Variants in RP1L1 observed in about 807,000 individuals in gnomAD.
RP1L1 encodes the protein retinitis pigmentosa 1-like 1 protein.
A neutral mutation model predicts 15.7 loss-of-function variants in RP1L1; 27 were observed. The ratio of observed to expected loss-of-function variants is 1.72; its 90% CI spans 1.27 to 2.38. RP1L1 has a LOEUF of 2.38. Among genes scored for constraint, RP1L1 ranks in the 30% most tolerant of loss-of-function variants. The probability of loss-of-function intolerance (pLI) is 0.00; values close to 1 mark genes in which losing one functional copy is unlikely to be tolerated. For synonymous variants in RP1L1, 1,813 were observed against 1,276.7 expected, an observed-to-expected ratio of 1.42 and a Z score of -8.96; for missense variants, 4,798 against 3,075.9, an observed-to-expected ratio of 1.56 and a Z score of -13.24.
intron 1 of RP1L1, among the ~76,000 whole-genome samples, chr8:10,644,164 G>A (rs1798443799): frequency 6.6e-6 from 1 of 151,970 alleles, no homozygotes; most frequent in South Asian, 2.1e-4. Flanking sequence ...CTCCGTTCGG[G>A]GACAGGGCAA....
rs763913719 is a variant in RP1L1, at chr8:10,609,659, G to A, written c.4439C>T (p.Pro1480Leu). ...TTGGCCCATCATGGTGGCTCCGGGC[G>A]GCTTTTCCAAACCAGGCTCAAGCTG... The part of the protein sequence containing the change: ...GSQLEPGLEK[P>L]PGATMMGQEH... The change falls in exon 4 of 4, where the codon CCG (proline) becomes CTG (leucine). Residue 1480 changes from proline to leucine, a missense_variant. By Grantham distance (98) the Pro-to-Leu change is moderately conservative. Coordinates refer to ENST00000382483, the MANE Select transcript of RP1L1 (RefSeq NM_178857.6). 7.6e-5 allele frequency: 122 copies of A among 1,610,942 alleles called. 1 individual carries two copies. The highest frequency in any genetic ancestry group is 2.7e-4 in the South Asian group (25 of 91,082).
At chr8:10,645,711 C>T (rs1230897011) in intron 1 of RP1L1, among the ~76,000 whole-genome samples, 1 of 152,146 alleles carries the variant, frequency 6.6e-6, no homozygotes, top group Non-Finnish European at 1.5e-5. Flanking sequence ...CCTGGGCCTT[C>T]AGGTCCTCAA....
chr8:10,653,137 A>G (rs908210619), intron 1 of RP1L1, among the ~76,000 whole-genome samples: 1 of 152,198 alleles, frequency 6.6e-6, no homozygotes, highest in Non-Finnish European at 1.5e-5. Context: ...TTTATATGAC[A>G]TACTTATTCA....
chr8:10,638,503 G>A (rs1245782541), intron 1 of RP1L1, among the ~76,000 whole-genome samples: 1 of 152,148 alleles, frequency 6.6e-6, no homozygotes, highest in Non-Finnish European at 1.5e-5. Flanking sequence ...CAGCTACTCT[G>A]GAGGCTGAGG....
chr8:10,647,659 G>A (rs1798499165), intron 1 of RP1L1, among the ~76,000 whole-genome samples: 1 of 152,206 alleles, frequency 6.6e-6, no homozygotes, highest in Non-Finnish European at 1.5e-5. Flanking sequence ...GTTGCAGCAT[G>A]AGTCAGCATT....
Position 10,609,218 on chromosome 8 carries a change from C to T in RP1L1, c.4880G>A (p.Gly1627Glu). Residue 1627 changes from glycine (G) to glutamate (E), a missense_variant, in exon 4 of 4, where the codon GGG (glycine) becomes GAG (glutamate). Coordinates refer to ENST00000382483, the MANE Select transcript of RP1L1 (RefSeq NM_178857.6). ...SAFSERTLGL[G>E]PLSFTLEDEP... Reference sequence around the variant, plus strand: ...GTCCTCCAGGGTGAAGGAGAGGGGCCCCAGGCCCAGGGTCCGCTCAGAGAA... The same window carrying T: ...GTCCTCCAGGGTGAAGGAGAGGGGCTCCAGGCCCAGGGTCCGCTCAGAGAA... 6.2e-7 allele frequency: 1 copy of T among 1,609,950 alleles called. No homozygotes were observed. The highest frequency in any genetic ancestry group is 8.5e-7 in the Non-Finnish European group (1 of 1,179,882).
intron 2 of RP1L1, among the ~76,000 whole-genome samples, chr8:10,618,254 CT>C (rs1488803942): frequency 6.6e-6 from 1 of 152,168 alleles, no homozygotes; most frequent in African/African-American, 2.4e-5. Flanking sequence ...AATCTCAGCA[CT>C]TTGGGGGGCC....
At chr8:10,621,797 C>T (rs200753340) in intron 2 of RP1L1, 287 of 496,762 alleles carry the variant, frequency 5.8e-4, no homozygotes, top group Middle Eastern at 9.6e-4. Flanking sequence ...ATTACATTCA[C>T]GCATGTCCTT....
In RP1L1 at chr8:10,623,143, G is replaced by T; in HGVS notation, c.59C>A (p.Ser20Tyr). 1.2e-6 allele frequency: 2 copies of T among 1,606,464 alleles called. No individual in the cohort carries two copies. The highest frequency in any genetic ancestry group is 1.7e-6 in the Non-Finnish European group (2 of 1,176,128). Residue 20 changes from serine (S) to tyrosine (Y), a missense_variant, in exon 2 of 4, where the codon TCT becomes TAT. Transcript: ENST00000382483. ...APSHRECFLP[S>Y]VARTPSVTKV... ...GGTGACCGAGGGGGTGCGAGCCACA[G>T]AGGGCAGGAAGCACTCACGGTGGCT...
At chr8:10,630,992 G>C (rs914893354) in intron 1 of RP1L1, among the ~76,000 whole-genome samples, 30 of 152,310 alleles carry the variant, frequency 2.0e-4, no homozygotes, top group African/African-American at 7.2e-4. Context: ...GTAGAGTCTT[G>C]CTCGAGTGGA....
chr8:10,615,502 C>T (rs1042205534), intron 3 of RP1L1, among the ~76,000 whole-genome samples: 1 of 152,134 alleles, frequency 6.6e-6, no homozygotes, highest in African/African-American at 2.4e-5. Context: ...GCCAGGCACA[C>T]GGCCCATTGC....
rs922315371 is a variant in RP1L1, at chr8:10,612,757, T to C, written c.1341A>G (p.Arg447=). The C allele has an allele frequency of 4.4e-6, 7 of 1,608,550 alleles. No homozygotes were observed. In the African/African-American group the frequency reaches 6.7e-5, roughly 15 times the overall value. The change falls in exon 4 of 4, where the codon AGA becomes AGG. Residue 447 remains arginine, a synonymous_variant. Coordinates refer to ENST00000382483, the MANE Select transcript of RP1L1 (RefSeq NM_178857.6). ...CTGGGCTGGCACTGTCCTGGCTGCA[T>C]CTCTCCCTCCCGGCAGTCCCGTGGC... ...LWGHGTAGRE[R]CSQDSASPAS... is the part of the protein sequence containing the mutation.
intron 3 of RP1L1, among the ~76,000 whole-genome samples, chr8:10,615,450 C>T (rs1007797990): frequency 2.0e-5 from 3 of 152,190 alleles, no homozygotes; most frequent in Non-Finnish European, 2.9e-5. Flanking sequence ...ATGCAGGCCA[C>T]CACTGTTGCC....
chr8:10,613,364 G>A lies in RP1L1; in HGVS notation c.752-18C>T, dbSNP rs200702916. 3.1e-6 allele frequency: 5 copies of A among 1,599,170 alleles called. No individual in the cohort carries two copies. Among genetic ancestry groups the A allele is most frequent in the Non-Finnish European group, 4.2e-6 (5 of 1,179,882 alleles). Reference sequence around the variant, plus strand: ...CCAGCTCCCTGGCACGCAGTGAAGAGGAAAAGAAAAGAAGAAAAGACTGTG... The same window carrying A: ...CCAGCTCCCTGGCACGCAGTGAAGAAGAAAAGAAAAGAAGAAAAGACTGTG... On this transcript the variant is annotated intron_variant, in intron 3 of 3. Coordinates refer to ENST00000382483, the MANE Select transcript of RP1L1 (RefSeq NM_178857.6).
chr8:10,612,182 C>T lies in RP1L1; in HGVS notation c.1916G>A (p.Arg639Lys), dbSNP rs1797874259. 4 of 1,613,414 alleles carry T rather than the reference C, an allele frequency of 2.5e-6. No homozygotes were observed. Among genetic ancestry groups the T allele is most frequent in the Non-Finnish European group, 3.4e-6 (4 of 1,180,018 alleles). The change falls in exon 4 of 4, where the codon AGA becomes AAA. Residue 639 changes from arginine (R) to lysine (K), a missense_variant. By Grantham distance (26) the Arg-to-Lys change is conservative (BLOSUM62 2). Coordinates refer to ENST00000382483, the MANE Select transcript of RP1L1 (RefSeq NM_178857.6). ...TGCACTGGCCCGGCTTCTGTGCCTT[C>T]TCTGCCCCTGCTGGGATGAAGTGCA... Reference protein sequence around the residue: ...STCTSSQQGQRRHRSRASAMS... With the variant: ...STCTSSQQGQKRHRSRASAMS...
chr8:10,624,908 C>G (rs1254742701), intron 1 of RP1L1, among the ~76,000 whole-genome samples: 3 of 152,176 alleles, frequency 2.0e-5, no homozygotes, highest in Non-Finnish European at 1.5e-5. Context: ...AGAGTGACAA[C>G]AGCAAGCACC....
At chr8:10,625,935 G>A (rs1798150355) in intron 1 of RP1L1, among the ~76,000 whole-genome samples, 1 of 152,038 alleles carries the variant, frequency 6.6e-6, no homozygotes. Flanking sequence ...GATGGAAAAG[G>A]AGGGGGCGGT....
rs1286279797 is a variant in RP1L1 at position 10,610,887 on chromosome 8, T to A, written c.3211A>T (p.Ser1071Cys). 1.6e-5 allele frequency: 26 copies of A among 1,610,052 alleles called. No individual in the cohort carries two copies. Among genetic ancestry groups the A allele is most frequent in the Non-Finnish European group, 2.0e-5 (24 of 1,178,440 alleles). The change falls in exon 4 of 4, where the codon AGC (serine) becomes TGC (cysteine). Residue 1071 changes from serine to cysteine, a missense_variant. By Grantham distance (112) the Ser-to-Cys change is moderately radical (BLOSUM62 -1). Transcript: ENST00000382483. ...ACCCGGCCAGGAAGTGCCCGCAGGCTCACCCTGCAGCCTGCTGGGGCCTCT... is the reference window on the plus strand; with the variant it reads ...ACCCGGCCAGGAAGTGCCCGCAGGCACACCCTGCAGCCTGCTGGGGCCTCT... ...DREAPAGCRV[S>C]LRALPGRVSA...
intron 2 of RP1L1, among the ~76,000 whole-genome samples, chr8:10,620,146 C>T (rs1293029939): frequency 6.6e-6 from 1 of 152,132 alleles, no homozygotes; most frequent in Non-Finnish European, 1.5e-5. Context: ...GCTTTCCATC[C>T]CAGCAGTTTT....
Sources: gnomAD v4.1 joint callset for allele counts (sites outside exome capture counted in the v4.1 genomes callset) on GRCh38, gnomAD v4.1.1 for gene constraint, MANE v1.5 for transcripts, NCBI Gene and HGNC (gene_info 2026-07-23, HGNC 2026-07-21) for gene names.